The following MLLT3 variants were observed in gnomAD, a reference collection of about 807,000 sequenced individuals.
The protein encoded by MLLT3 is protein AF-9.
MLLT3 carries 4 observed loss-of-function variants against 53.2 expected under a neutral mutation model. The ratio of observed to expected loss-of-function variants is 0.08; its 90% confidence interval spans 0.04 to 0.17. The LOEUF is 0.17. MLLT3 is among the 10% of genes least tolerant of loss of function. The probability of loss-of-function intolerance (pLI) is 1.00; values close to 1 mark genes in which losing one functional copy is unlikely to be tolerated. For missense variants in MLLT3, 569 were observed against 684.0 expected (o/e 0.83, Z 1.87); for synonymous variants, 283 against 230.6 (o/e 1.23, Z -2.06).
At chr9:20,614,062 G>A (rs1490997903) in intron 2 of MLLT3, among the ~76,000 whole-genome samples, 1 of 152,152 alleles carries the variant, frequency 6.6e-6, no homozygotes, top group Non-Finnish European at 1.5e-5. Context: ...TATGCCACAA[G>A]GGTAGGAATG....
chr9:20,365,540 C>T (rs551556949), intron 6 of MLLT3, 129 bp downstream of exon 6: 10 of 1,064,764 alleles, frequency 9.4e-6, no homozygotes, highest in Middle Eastern at 2.9e-4. Context: ...TTACTAAACA[C>T]GGTTTCACCG....
At chr9:20,599,914 T>C (rs1820374421) in intron 2 of MLLT3, among the ~76,000 whole-genome samples, 1 of 152,122 alleles carries the variant, frequency 6.6e-6, no homozygotes. Flanking sequence ...TAACTATAAA[T>C]TGCTTAGCTT....
chr9:20,536,208 A>AAAAC (rs1818480395), intron 2 of MLLT3, among the ~76,000 whole-genome samples: 2 of 121,046 alleles, frequency 1.7e-5, no homozygotes, highest in Admixed American at 8.2e-5. Context: ...CAAAACAAAA[A>AAAAC]AACTGGACAG....
intron 2 of MLLT3, among the ~76,000 whole-genome samples, chr9:20,573,188 GTTTTTTTT>G (rs59285839): frequency 7.1e-6 from 1 of 141,710 alleles, no homozygotes; most frequent in Non-Finnish European, 1.5e-5. Context: ...TTTTTGTTTT[GTTTTTTTT>G]TTTTGAGACA....
At chr9:20,563,840 G>A (rs1033890846) in intron 2 of MLLT3, among the ~76,000 whole-genome samples, 2 of 152,078 alleles carry the variant, frequency 1.3e-5, no homozygotes, top group African/African-American at 2.4e-5. Flanking sequence ...TTGCAGGAAT[G>A]ACAAACAGAA....
chr9:20,457,016 G>A (rs1823986733), intron 2 of MLLT3, among the ~76,000 whole-genome samples: 1 of 152,016 alleles, frequency 6.6e-6, no homozygotes, highest in Non-Finnish European at 1.5e-5. Flanking sequence ...AAATCTTGGT[G>A]GAGAATAGCT....
chr9:20,609,862 T>C (rs1483047304), intron 2 of MLLT3, among the ~76,000 whole-genome samples: 1 of 152,142 alleles, frequency 6.6e-6, no homozygotes, highest in Non-Finnish European at 1.5e-5. Context: ...CTGATGTTCA[T>C]ATATTGGTAT....
Position 20,346,379 on chromosome 9 carries a change from C to CAAAAAAAAAAAAAAACAAA in MLLT3, c.*63_*64insTTTGTTTTTTTTTTTTTTT. On this transcript the variant is annotated 3_prime_UTR_variant, in exon 11 of 11. Coordinates refer to ENST00000380338, the MANE Select transcript of MLLT3 (RefSeq NM_004529.4). ...AACAACAAGAACAAAAAATCACAAC[C>CAAAAAAAAAAAAAAACAAA]AAAAAAAAAAAAAACCAAAAAAAAA... is the stretch of plus-strand genomic sequence containing the variant. 5 of 985,700 alleles carry CAAAAAAAAAAAAAAACAAA rather than the reference C, an allele frequency of 5.1e-6. No homozygotes were observed. The highest frequency in any genetic ancestry group is 5.2e-6 in the Non-Finnish European group (4 of 762,466). The allele number at this position is 985,700 out of a possible 1,614,324, so 61.1% of individuals were successfully genotyped here.
At chr9:20,459,482 C>G (rs1405245769) in intron 2 of MLLT3, among the ~76,000 whole-genome samples, 1 of 152,204 alleles carries the variant, frequency 6.6e-6, no homozygotes, top group Non-Finnish European at 1.5e-5. Context: ...TATGACACTT[C>G]CAGGCTGCAA....
chr9:20,621,909 G>A lies in MLLT3; in HGVS notation c.12+336C>T. The A allele has an allele frequency of 2.9e-6, 4 of 1,376,748 alleles. No individual in the cohort carries two copies. The highest frequency in any genetic ancestry group is 3.6e-5 in the Admixed American group (1 of 27,742). The allele number at this position is 1,376,748 out of a possible 1,614,324, so 85.3% of individuals were successfully genotyped here. On this transcript the variant is annotated intron_variant, in intron 1 of 10. Coordinates refer to ENST00000380338, the MANE Select transcript of MLLT3 (RefSeq NM_004529.4). The surrounding 1 kb of genome is among the most constrained non-coding windows in gnomAD (Gnocchi z 7.0). ...TTATTCGCCTCCTTCCACCGTGTGT[G>A]TGTGTGTGTGTGAGTGCGCGCGTGT...
intron 5 of MLLT3, among the ~76,000 whole-genome samples, chr9:20,366,142 T>C (rs1384931666): frequency 1.3e-5 from 2 of 152,204 alleles, no homozygotes; most frequent in Admixed American, 1.3e-4. Context: ...GGTGGTTTAC[T>C]GCACCCATCA....
intron 5 of MLLT3, among the ~76,000 whole-genome samples, chr9:20,389,094 C>A (rs1251399431): frequency 6.6e-6 from 1 of 152,130 alleles, no homozygotes; most frequent in Non-Finnish European, 1.5e-5. Flanking sequence ...TCACAGCAGC[C>A]AAAAGGTGAA....
rs542165622 is a variant in MLLT3, at chr9:20,621,270, G to A, written c.13-436C>T. ...CTCCTGGCGAGCCCCCTCCCCGAAA[G>A]TACCGCGGCGACAGGCACACGCCGA... On this transcript the variant is annotated intron_variant, in intron 1 of 10. Coordinates refer to ENST00000380338, the MANE Select transcript of MLLT3 (RefSeq NM_004529.4). The surrounding 1 kb of genome is among the most constrained non-coding windows in gnomAD (Gnocchi z 7.0). 2.6e-4 allele frequency among the ~76,000 whole-genome samples: 39 copies of A among 152,316 alleles called. No homozygotes were observed. Among genetic ancestry groups the A allele is most frequent in the Admixed American group, 9.8e-4 (15 of 15,310 alleles).
intron 2 of MLLT3, among the ~76,000 whole-genome samples, chr9:20,540,088 T>C (rs970880522): frequency 2.6e-5 from 4 of 152,220 alleles, no homozygotes; most frequent in Non-Finnish European, 5.9e-5. Flanking sequence ...TGACTTCGTG[T>C]CTCACATCTA....
intron 4 of MLLT3, among the ~76,000 whole-genome samples, chr9:20,422,793 A>T (rs1178770674): frequency 6.6e-6 from 1 of 152,172 alleles, no homozygotes; most frequent in Admixed American, 6.6e-5. Context: ...GATCAATATT[A>T]ACTAATCACT....
intron 2 of MLLT3, among the ~76,000 whole-genome samples, chr9:20,546,079 T>C (rs529918633): frequency 1.3e-5 from 2 of 152,210 alleles, no homozygotes; most frequent in East Asian, 3.9e-4. Flanking sequence ...TATTTTCATA[T>C]TCAACATATA....
chr9:20,448,166 T>C lies in MLLT3; in HGVS notation c.377A>G (p.Asn126Ser). The change falls in exon 4 of 11, where the codon AAC becomes AGC. Residue 126 changes from asparagine (N) to serine (S), a missense_variant. Asn to Ser is a conservative substitution (Grantham distance 46). This residue lies in a region of MLLT3 where 39 missense variants were observed against 68.8 expected (regional missense o/e 0.57). Coordinates refer to ENST00000380338, the MANE Select transcript of MLLT3 (RefSeq NM_004529.4). This position sits in a 1 kb window ranked among gnomAD's most constrained non-coding sequence, Gnocchi z 4.0. The part of the protein sequence containing the change: ...HLRCEKLTFN[N>S]PTEDFRRKLL... Reference sequence around the variant, plus strand: ...CTTTCTCCTAAAGTCCTCTGTGGGGTTGTTGAAAGTTAGCTTTTCACAGCG... The same window carrying C: ...CTTTCTCCTAAAGTCCTCTGTGGGGCTGTTGAAAGTTAGCTTTTCACAGCG... The C allele has an allele frequency of 2.5e-6, 4 of 1,613,592 alleles. No homozygotes were observed. Among genetic ancestry groups the C allele is most frequent in the Non-Finnish European group, 3.4e-6 (4 of 1,179,724 alleles).
At chr9:20,441,838 T>A (rs958885677) in intron 4 of MLLT3, among the ~76,000 whole-genome samples, 6 of 152,168 alleles carry the variant, frequency 3.9e-5, no homozygotes, top group African/African-American at 1.4e-4. Context: ...CAGCTATCCA[T>A]CTCTAGGCAC....
chr9:20,388,659 G>C (rs1350754015), intron 5 of MLLT3, among the ~76,000 whole-genome samples: 1 of 151,634 alleles, frequency 6.6e-6, no homozygotes, highest in African/African-American at 2.4e-5. Flanking sequence ...CAAAAACAAA[G>C]AATAAACAGG....
Sources: allele counts gnomAD v4.1 joint callset (sites outside exome capture counted in the v4.1 genomes callset), GRCh38; gene constraint gnomAD v4.1.1; regional missense constraint gnomAD v4.1.1; non-coding constraint Gnocchi (gnomAD v3.1); transcripts MANE v1.5; gene names NCBI Gene and HGNC (gene_info 2026-07-23, HGNC 2026-07-21).